Variants in PCDHAC1 observed in about 807,000 individuals in gnomAD.
PCDHAC1 encodes protocadherin alpha-C1.
A neutral mutation model predicts 60.0 loss-of-function variants in PCDHAC1; 42 were observed. The observed-to-expected ratio is 0.70, with a 90% CI of 0.55 to 0.90. PCDHAC1 has a LOEUF of 0.90. Ranked by LOEUF, PCDHAC1 falls within the 40% of genes least tolerant of loss-of-function variation. The pLI, the probability that PCDHAC1 is intolerant of heterozygous loss-of-function variation, is 0.00. For synonymous variants in PCDHAC1, 468 were observed against 499.3 expected, an observed-to-expected ratio of 0.94 and a Z score of 0.84; for missense variants, 1,160 against 1,222.3, an observed-to-expected ratio of 0.95 and a Z score of 0.76.
At position 141,011,088 on chromosome 5, in the gene PCDHAC1, TTCTC is replaced by T. The variant is rs375099849; in HGVS notation, c.*1165_*1168del. Reference sequence around the variant, plus strand: ...TATTACTAAATAAAATGATCTCTCTTTCTCTCTCTCTCTCTCTTTTCTAAGAAAC... The same window carrying T: ...TATTACTAAATAAAATGATCTCTCTTTCTCTCTCTCTCTTTTCTAAGAAAC... On this transcript the variant is annotated 3_prime_UTR_variant, in exon 4 of 4. Coordinates refer to ENST00000253807, the MANE Select transcript of PCDHAC1 (RefSeq NM_018898.5). 16 of 152,024 alleles carry T rather than the reference TTCTC, an allele frequency of 1.1e-4. No individual in the cohort carries two copies. Among genetic ancestry groups the T allele is most frequent in the African/African-American group, 2.2e-4 (9 of 41,160 alleles). 9.4% of individuals were successfully genotyped at this position (152,024 alleles called of 1,614,324 possible).
At chr5:140,997,762 A>G (rs2097784598) in intron 3 of PCDHAC1, among the ~76,000 whole-genome samples, 1 of 152,118 alleles carries the variant, frequency 6.6e-6, no homozygotes, top group Non-Finnish European at 1.5e-5. Context: ...GAGTAAGGAT[A>G]TAGCACTATG....
At chr5:141,003,324 C>T (rs909788744) in intron 3 of PCDHAC1, among the ~76,000 whole-genome samples, 4 of 152,132 alleles carry the variant, frequency 2.6e-5, no homozygotes, top group African/African-American at 9.7e-5. Flanking sequence ...TTCCAGAGGG[C>T]AGGGTTTTTT....
chr5:140,952,565 C>T (rs1255567969), intron 1 of PCDHAC1, among the ~76,000 whole-genome samples: 3 of 152,142 alleles, frequency 2.0e-5, no homozygotes, highest in African/African-American at 4.8e-5. Flanking sequence ...ATCAGCACTT[C>T]GGTCCCAATC....
In PCDHAC1 at chr5:140,972,718, C is replaced by T. The variant is rs921637217; in HGVS notation, c.2434-6231C>T. Among the ~76,000 whole-genome samples the T allele has an allele frequency of 9.2e-5, 13 of 142,004 alleles. No individual in the cohort carries two copies. In the East Asian group the frequency reaches 2.5e-3, roughly 27 times the overall value. The allele number at this position is 142,004 out of a possible 152,430, so 93.2% of individuals were successfully genotyped here. A position where few individuals can be genotyped will look rare whatever the true frequency, so the allele number is the denominator to read the frequency against. Reference sequence around the variant, plus strand: ...CTCACTCTGTTGCCAGGCTGGAGTGCAGTGGCGTAATCCCGGCTCACTGCA... The same window carrying T: ...CTCACTCTGTTGCCAGGCTGGAGTGTAGTGGCGTAATCCCGGCTCACTGCA... On this transcript the variant is annotated intron_variant, in intron 1 of 3. Coordinates refer to ENST00000253807, the MANE Select transcript of PCDHAC1 (RefSeq NM_018898.5).
intron 3 of PCDHAC1, among the ~76,000 whole-genome samples, chr5:141,006,816 G>C (rs1554260932): frequency 6.6e-6 from 1 of 152,082 alleles, no homozygotes; most frequent in African/African-American, 2.4e-5. Flanking sequence ...TGAGAAATGG[G>C]GTAAATGGGG....
At chr5:140,970,554 G>A (rs72802985) in intron 1 of PCDHAC1, among the ~76,000 whole-genome samples, 7,177 of 152,136 alleles carry the variant, frequency 0.047, 194 homozygotes, top group Non-Finnish European at 0.062. Context: ...TTGTGTGTTC[G>A]TCTCCATATG....
chr5:140,987,398 A>G (rs935672912), intron 3 of PCDHAC1, among the ~76,000 whole-genome samples: 4 of 152,140 alleles, frequency 2.6e-5, no homozygotes, highest in African/African-American at 9.7e-5. Context: ...CAAGGAAGCC[A>G]TCTGTTTATG....
intron 1 of PCDHAC1, chr5:140,969,220 G>A (rs2096308533): frequency 6.2e-7 from 1 of 1,614,084 alleles, no homozygotes; most frequent in African/African-American, 1.3e-5. Flanking sequence ...CAGGACCAGG[G>A]CCTTCGGGAG....
chr5:140,969,281 A>C, intron 1 of PCDHAC1: 5 of 1,614,220 alleles, frequency 3.1e-6, no homozygotes, highest in Non-Finnish European at 3.4e-6. Context: ...AAGTGGTCAG[A>C]ATGCTGGGAA....
chr5:140,941,185 CT>C (rs782102770), intron 1 of PCDHAC1, among the ~76,000 whole-genome samples: 20 of 102,174 alleles, frequency 2.0e-4, no homozygotes, highest in Admixed American at 7.9e-4. Context: ...CATCCTGCTT[CT>C]TTTTTTTTCT....
At chr5:141,005,371 T>G (rs35698397) in intron 3 of PCDHAC1, among the ~76,000 whole-genome samples, 7,868 of 152,226 alleles carry the variant, frequency 0.052, 247 homozygotes, top group South Asian at 0.11. Flanking sequence ...TAGAATGCCT[T>G]TCCAAGGAGG....
At chr5:140,967,535 T>C in intron 1 of PCDHAC1, 3 of 1,613,746 alleles carry the variant, frequency 1.9e-6, no homozygotes, top group Non-Finnish European at 2.5e-6. Context: ...CTCTCCTGCC[T>C]TTGACCAGTC....
intron 1 of PCDHAC1, among the ~76,000 whole-genome samples, chr5:140,949,674 C>G (rs2153687219): frequency 6.6e-6 from 1 of 151,738 alleles, no homozygotes; most frequent in South Asian, 2.1e-4. Context: ...AAAGTATGCC[C>G]TTGTTGAAGC....
intron 1 of PCDHAC1, among the ~76,000 whole-genome samples, chr5:140,938,974 G>T (rs534312375): frequency 6.6e-6 from 1 of 152,230 alleles, no homozygotes; most frequent in Non-Finnish European, 1.5e-5. Context: ...TGGCATCAAG[G>T]CTATCCTGGC....
intron 1 of PCDHAC1, among the ~76,000 whole-genome samples, chr5:140,941,550 C>T (rs1489599221): frequency 6.6e-6 from 1 of 151,776 alleles, no homozygotes; most frequent in Non-Finnish European, 1.5e-5. Flanking sequence ...CTCCTGACCT[C>T]GTGATCCATT....
At chr5:140,931,471 G>GA (rs1215090719) in intron 1 of PCDHAC1, among the ~76,000 whole-genome samples, 9 of 151,796 alleles carry the variant, frequency 5.9e-5, no homozygotes, top group Non-Finnish European at 1.0e-4. Context: ...AATGACAGAG[G>GA]AAAAAACAAC....
At chr5:140,964,841 T>G (rs2095857355) in intron 1 of PCDHAC1, among the ~76,000 whole-genome samples, 2 of 152,190 alleles carry the variant, frequency 1.3e-5, no homozygotes, top group Non-Finnish European at 2.9e-5. Context: ...CTTCCTACTC[T>G]GTACCCTTGA....
intron 3 of PCDHAC1, among the ~76,000 whole-genome samples, chr5:140,998,727 G>T (rs2097831761): frequency 6.6e-6 from 1 of 152,076 alleles, no homozygotes; most frequent in African/African-American, 2.4e-5. Flanking sequence ...ACCACGCTAG[G>T]CTAATTTTGT....
chr5:140,939,481 A>G (rs1554212745), intron 1 of PCDHAC1, among the ~76,000 whole-genome samples: 2 of 152,206 alleles, frequency 1.3e-5, no homozygotes, highest in Non-Finnish European at 2.9e-5. Flanking sequence ...CTTCATGAGA[A>G]TGTTAATTAT....
Sources: allele counts gnomAD v4.1 joint callset (sites outside exome capture counted in the v4.1 genomes callset), GRCh38; gene constraint gnomAD v4.1.1; transcripts MANE v1.5; gene names NCBI Gene and HGNC (gene_info 2026-07-23, HGNC 2026-07-21).